The following ABLIM3 variants were observed in gnomAD, a reference collection of about 807,000 sequenced individuals.
The protein encoded by ABLIM3 is actin-binding LIM protein 3.
A neutral mutation model predicts 109.5 loss-of-function variants in ABLIM3; 61 were observed. The observed-to-expected ratio is 0.56, with a 90% confidence interval of 0.45 to 0.69. ABLIM3 has a LOEUF of 0.69. Among genes scored for constraint, ABLIM3 ranks in the 30% least tolerant of loss-of-function variants. The pLI, the probability that ABLIM3 is intolerant of heterozygous loss-of-function variation, is 0.00. For missense variants in ABLIM3, 796 were observed against 889.5 expected, an observed-to-expected ratio of 0.89 and a Z score of 1.34; for synonymous variants, 300 against 324.8, an observed-to-expected ratio of 0.92 and a Z score of 0.82.
chr5:149,257,248 G>GT (rs1192529005), intron 23 of ABLIM3, among the ~76,000 whole-genome samples: 1 of 151,870 alleles, frequency 6.6e-6, no homozygotes, highest in East Asian at 1.9e-4. Context: ...GGAGTTTGCA[G>GT]TGAGTTGAGA....
chr5:149,191,322 C>T (rs763266770), intron 3 of ABLIM3, among the ~76,000 whole-genome samples: 35 of 152,024 alleles, frequency 2.3e-4, no homozygotes, highest in Non-Finnish European at 4.3e-4. Context: ...AATTTTAAAA[C>T]TTAGATAACA....
chr5:149,248,859 G>GACAC (rs55707887), intron 18 of ABLIM3, among the ~76,000 whole-genome samples: 3,690 of 144,612 alleles, frequency 0.026, 74 homozygotes, highest in African/African-American at 0.056. Context: ...CCTATTCCTG[G>GACAC]ACACACACAC....
At chr5:149,199,167 T>G (rs1041126035) in intron 4 of ABLIM3, 1 of 454,240 alleles carries the variant, frequency 2.2e-6, no homozygotes, top group Non-Finnish European at 4.4e-6. Flanking sequence ...ATTAAGGAGA[T>G]GAAAAAATGA....
At chr5:149,181,104 T>C (rs963520533) in intron 2 of ABLIM3, among the ~76,000 whole-genome samples, 1 of 152,200 alleles carries the variant, frequency 6.6e-6, no homozygotes, top group Admixed American at 6.5e-5. Context: ...TTCGTTCTTA[T>C]TTTATTTTCA....
chr5:149,212,448 GA>G (rs149140742), intron 7 of ABLIM3, among the ~76,000 whole-genome samples: 7 of 152,250 alleles, frequency 4.6e-5, no homozygotes, highest in African/African-American at 1.7e-4. Context: ...CTTCTGGGAG[GA>G]TGACGTGATA....
chr5:149,145,631 T>G (rs1752836548), intron 2 of ABLIM3, among the ~76,000 whole-genome samples: 1 of 152,240 alleles, frequency 6.6e-6, no homozygotes, highest in South Asian at 2.1e-4. Flanking sequence ...CATCCCTTTT[T>G]CTTTGCAGCC....
Position 149,230,659 on chromosome 5 carries a change from T to C in ABLIM3, c.768T>C (p.Val256=). ...TTCATGACCCCTTAGGTTCCGAGGT[T>C]TGGCACCCCATCTGCAAACAGGCAG... ...GEEMYLTGSE[V]WHPICKQAAR... Residue 256 remains valine (V), a synonymous_variant, in exon 9 of 24, where the codon GTT becomes GTC. Coordinates refer to ENST00000309868, the MANE Select transcript of ABLIM3 (RefSeq NM_014945.5). 6.2e-7 allele frequency: 1 copy of C among 1,613,960 alleles called. No homozygotes were observed.
intron 3 of ABLIM3, among the ~76,000 whole-genome samples, chr5:149,197,508 C>T (rs1189854071): frequency 6.6e-6 from 1 of 152,062 alleles, no homozygotes; most frequent in African/African-American, 2.4e-5. Flanking sequence ...ATTTTTAGCT[C>T]TTTGAGATTC....
intron 3 of ABLIM3, among the ~76,000 whole-genome samples, chr5:149,197,996 T>G (rs1758134679): frequency 6.6e-6 from 1 of 151,182 alleles, no homozygotes; most frequent in Non-Finnish European, 1.5e-5. Context: ...GGCCATTCTT[T>G]AAGGAATACT....
chr5:149,207,691 G>A (rs956073047), intron 6 of ABLIM3, among the ~76,000 whole-genome samples: 4 of 152,162 alleles, frequency 2.6e-5, no homozygotes, highest in Non-Finnish European at 5.9e-5. Flanking sequence ...TTTAATCTCT[G>A]TACCCACCAG....
chr5:149,206,872 G>A (rs1759028496), intron 5 of ABLIM3, 136 bp from the exon 6 acceptor site: 13 of 1,121,412 alleles, frequency 1.2e-5, no homozygotes, highest in African/African-American at 2.9e-5. Flanking sequence ...AGAGCCTCTG[G>A]GAAGCTTCCA....
At chr5:149,211,253 T>A (rs758504468) in intron 7 of ABLIM3, among the ~76,000 whole-genome samples, 1 of 152,194 alleles carries the variant, frequency 6.6e-6, no homozygotes, top group Non-Finnish European at 1.5e-5. Flanking sequence ...GCTTGCTCCC[T>A]AAGCCCTTCT....
intron 8 of ABLIM3, chr5:149,221,018 G>C (rs922590236): frequency 2.0e-5 from 3 of 152,230 alleles, no homozygotes; most frequent in Non-Finnish European, 4.4e-5. Flanking sequence ...CACAGAGAAA[G>C]TTTTGAACAA....
intron 8 of ABLIM3, among the ~76,000 whole-genome samples, chr5:149,223,395 T>G (rs1226697694): frequency 2.0e-5 from 3 of 152,230 alleles, no homozygotes; most frequent in Non-Finnish European, 2.9e-5. Flanking sequence ...AATTGCCTGC[T>G]GGGCAAGTCA....
chr5:149,161,649 G>C (rs757459640), intron 2 of ABLIM3, among the ~76,000 whole-genome samples: 8 of 152,130 alleles, frequency 5.3e-5, no homozygotes, highest in Non-Finnish European at 7.3e-5. Flanking sequence ...CATTAATCTA[G>C]CTTAGAGAGG....
intron 5 of ABLIM3, among the ~76,000 whole-genome samples, chr5:149,203,466 CA>C (rs1472540771): frequency 6.6e-6 from 1 of 151,996 alleles, no homozygotes; most frequent in African/African-American, 2.4e-5. Context: ...CCATCGTCAC[CA>C]TCATCATGAC....
chr5:149,250,370 T>G (rs1335273933), intron 19 of ABLIM3, 77 bp from the exon 20 acceptor site: 1 of 1,476,936 alleles, frequency 6.8e-7, no homozygotes, highest in Non-Finnish European at 9.5e-7. Flanking sequence ...GTGTTGGCCA[T>G]TGGTAGCCAG....
At chr5:149,145,153 C>A (rs1424170740) in intron 2 of ABLIM3, among the ~76,000 whole-genome samples, 4 of 152,286 alleles carry the variant, frequency 2.6e-5, no homozygotes, top group Admixed American at 1.3e-4. Flanking sequence ...TCCCTTCCCC[C>A]TCTAGTAGTG....
At chr5:149,159,608 G>C (rs1754149849) in intron 2 of ABLIM3, among the ~76,000 whole-genome samples, 1 of 152,106 alleles carries the variant, frequency 6.6e-6, no homozygotes, top group African/African-American at 2.4e-5. Flanking sequence ...GCAAACAGAA[G>C]AACTAACTTG....
Sources: allele counts gnomAD v4.1 joint callset (sites outside exome capture counted in the v4.1 genomes callset), GRCh38; gene constraint gnomAD v4.1.1; transcripts MANE v1.5; gene names NCBI Gene and HGNC (gene_info 2026-07-23, HGNC 2026-07-21).